SORCS1: variants seen among roughly 807,000 people sequenced by gnomAD.
SORCS1 encodes the protein sortilin related VPS10 domain containing receptor 1, also known as VPS10 domain-containing receptor SorCS1.
SORCS1 carries 60 observed loss-of-function variants against 146.1 expected under a neutral mutation model. That is an observed-to-expected ratio of 0.41 (90% CI 0.33 to 0.51). The LOEUF (loss-of-function observed/expected upper bound fraction) is 0.51. SORCS1 is among the 20% of genes least tolerant of loss of function. SORCS1 has a pLI of 0.21. For synonymous variants in SORCS1, 637 were observed against 584.0 expected, an observed-to-expected ratio of 1.09 and a Z score of -1.31; for missense variants, 1,352 against 1,487.6, an observed-to-expected ratio of 0.91 and a Z score of 1.50.
chr10:106,676,309 A>T (rs186694023), intron 13 of SORCS1, among the ~76,000 whole-genome samples: 1 of 152,322 alleles, frequency 6.6e-6, no homozygotes, highest in East Asian at 1.9e-4. Flanking sequence ...TGGGACACGC[A>T]CAGGCAGAAT....
intron 3 of SORCS1, among the ~76,000 whole-genome samples, chr10:106,785,499 G>A (rs2136456439): frequency 6.6e-6 from 1 of 152,126 alleles, no homozygotes; most frequent in Admixed American, 6.5e-5. Context: ...GTCCAGTGAT[G>A]GTTTATTTCA....
intron 2 of SORCS1, among the ~76,000 whole-genome samples, chr10:106,946,097 T>C (rs1409841528): frequency 6.6e-6 from 1 of 152,240 alleles, no homozygotes; most frequent in African/African-American, 2.4e-5. Context: ...CGTAGCACAT[T>C]ATTCAGAACT....
chr10:106,765,816 C>A (rs565498831), intron 4 of SORCS1, among the ~76,000 whole-genome samples: 1 of 151,606 alleles, frequency 6.6e-6, no homozygotes, highest in Non-Finnish European at 1.5e-5. Context: ...CACAAGCTTG[C>A]AATTGTCAGT....
intron 2 of SORCS1, among the ~76,000 whole-genome samples, chr10:106,882,423 G>A (rs993270466): frequency 2.6e-5 from 4 of 152,074 alleles, no homozygotes; most frequent in Non-Finnish European, 5.9e-5. Context: ...GTAAAGGTTC[G>A]GGCACTACAT....
chr10:106,607,381 G>A, intron 22 of SORCS1, 84 bp from the exon 23 acceptor site: 1 of 1,550,660 alleles, frequency 6.4e-7, no homozygotes, highest in Non-Finnish European at 8.7e-7. Context: ...GGGGATCAGG[G>A]GTAGGCAGAA....
At chr10:106,644,208 T>G (rs969527888) in intron 18 of SORCS1, among the ~76,000 whole-genome samples, 5 of 152,124 alleles carry the variant, frequency 3.3e-5, no homozygotes. Context: ...AATGTACAAA[T>G]CACTAAATAT....
chr10:107,105,803 C>A (rs528550002), intron 1 of SORCS1, among the ~76,000 whole-genome samples: 1 of 152,226 alleles, frequency 6.6e-6, no homozygotes, highest in African/African-American at 2.4e-5. Flanking sequence ...CCAGACACAC[C>A]CAGGAACAAT....
At chr10:106,746,386 T>C (rs527904573) in intron 5 of SORCS1, among the ~76,000 whole-genome samples, 1 of 152,350 alleles carries the variant, frequency 6.6e-6, no homozygotes, top group African/African-American at 2.4e-5. Context: ...AAAAATCCTA[T>C]GCCCAAATCT....
At chr10:107,179,285 T>C in the SORCS1 span, among the ~76,000 whole-genome samples, 8 of 152,318 alleles carry the variant, frequency 5.3e-5, no homozygotes, top group Non-Finnish European at 1.2e-4. Flanking sequence ...TTTATTGTTT[T>C]CACTACAAAG....
intron 1 of SORCS1, among the ~76,000 whole-genome samples, chr10:106,985,376 C>A (rs1016728271): frequency 7.2e-5 from 11 of 151,912 alleles, no homozygotes; most frequent in Non-Finnish European, 1.6e-4. Flanking sequence ...AAAATATATC[C>A]TTATGTCTTA....
At chr10:106,947,662 GGTGAAACCCT>G (rs1473148177) in intron 2 of SORCS1, among the ~76,000 whole-genome samples, 1 of 152,130 alleles carries the variant, frequency 6.6e-6, no homozygotes, top group African/African-American at 2.4e-5. Flanking sequence ...TGGCCAACAT[GGTGAAACCCT>G]GTCTCTACTA....
At chr10:107,068,991 A>G (rs1962176760) in intron 1 of SORCS1, among the ~76,000 whole-genome samples, 1 of 152,138 alleles carries the variant, frequency 6.6e-6, no homozygotes, top group African/African-American at 2.4e-5. Context: ...ACAGCACATC[A>G]CTGATAGATT....
At chr10:106,724,626 C>A (rs1025331462) in intron 6 of SORCS1, among the ~76,000 whole-genome samples, 1 of 152,126 alleles carries the variant, frequency 6.6e-6, no homozygotes, top group Non-Finnish European at 1.5e-5. Context: ...ATGGGAACTT[C>A]AATGGAAACA....
chr10:106,758,637 A>G (rs895237765), intron 5 of SORCS1, among the ~76,000 whole-genome samples: 7 of 152,238 alleles, frequency 4.6e-5, no homozygotes, highest in Non-Finnish European at 7.3e-5. Context: ...GAGAGAATGA[A>G]AGAAAAAGAC....
At chr10:106,897,807 G>A (rs992594244) in intron 2 of SORCS1, among the ~76,000 whole-genome samples, 23 of 152,204 alleles carry the variant, frequency 1.5e-4, no homozygotes, top group African/African-American at 5.3e-4. Flanking sequence ...CCAACGCTTA[G>A]TCAATGGTAC....
chr10:106,755,728 A>G (rs1346905999), intron 5 of SORCS1, among the ~76,000 whole-genome samples: 1 of 152,164 alleles, frequency 6.6e-6, no homozygotes, highest in East Asian at 1.9e-4. Flanking sequence ...CTACATGAGT[A>G]ATGAATTATC....
At chr10:107,043,798 T>C (rs748812928) in intron 1 of SORCS1, among the ~76,000 whole-genome samples, 1 of 152,168 alleles carries the variant, frequency 6.6e-6, no homozygotes, top group African/African-American at 2.4e-5. Flanking sequence ...TCATGATTAA[T>C]GCCTGTCTAC....
chr10:107,031,335 C>A (rs1213975739), intron 1 of SORCS1, among the ~76,000 whole-genome samples: 1 of 151,462 alleles, frequency 6.6e-6, no homozygotes, highest in Admixed American at 6.6e-5. Context: ...TTTTCCATTT[C>A]TAATGCATTT....
intron 3 of SORCS1, among the ~76,000 whole-genome samples, chr10:106,828,447 C>A (rs1050950317): frequency 6.6e-6 from 1 of 152,114 alleles, no homozygotes; most frequent in South Asian, 2.1e-4. Flanking sequence ...GACAAGCAGC[C>A]AGAATTGAGA....
Sources: gnomAD v4.1 joint callset for allele counts (sites outside exome capture counted in the v4.1 genomes callset) on GRCh38, gnomAD v4.1.1 for gene constraint, MANE v1.5 for transcripts, NCBI Gene and HGNC (gene_info 2026-07-23, HGNC 2026-07-21) for gene names.